Variants in PDZRN3 observed in about 807,000 individuals in gnomAD.
The protein encoded by PDZRN3 is PDZ domain containing ring finger 3, also known as E3 ubiquitin-protein ligase PDZRN3.
A neutral mutation model predicts 85.7 loss-of-function variants in PDZRN3; 38 were observed. The ratio of observed to expected loss-of-function variants is 0.44; its 90% CI spans 0.34 to 0.58. PDZRN3 has a LOEUF of 0.58. Ranked by LOEUF, PDZRN3 falls within the 20% of genes least tolerant of loss-of-function variation. The pLI is 0.01. For missense variants in PDZRN3, 1,629 were observed against 1,506.4 expected (o/e 1.08, Z -1.35); for synonymous variants, 759 against 638.0 (o/e 1.19, Z -2.86).
chr3:73,546,243 G>A lies in PDZRN3; in HGVS notation c.918+56111C>T, dbSNP rs57237517. Among the ~76,000 whole-genome samples, 707 of 152,306 alleles carry A rather than the reference G, an allele frequency of 4.6e-3. 4 individuals are homozygous for A. Among genetic ancestry groups the A allele is most frequent in the African/African-American group, 0.017 (689 of 41,560 alleles). On this transcript the variant is annotated intron_variant, in intron 3 of 9. Coordinates refer to ENST00000263666, the MANE Select transcript of PDZRN3 (RefSeq NM_015009.3). ...ATGATACCACAGGCGACCCAGTGAGGGTATTAAAAGGAAGATGTGTGTAGT... is the reference window on the plus strand; with the variant it reads ...ATGATACCACAGGCGACCCAGTGAGAGTATTAAAAGGAAGATGTGTGTAGT...
chr3:73,585,243 G>A (rs544738001), intron 3 of PDZRN3, among the ~76,000 whole-genome samples: 1 of 152,252 alleles, frequency 6.6e-6, no homozygotes, highest in East Asian at 1.9e-4. Context: ...GATCAGAAAT[G>A]TCTATTAGGA....
chr3:73,588,209 T>C (rs1207640557), intron 3 of PDZRN3, among the ~76,000 whole-genome samples: 1 of 152,120 alleles, frequency 6.6e-6, no homozygotes, highest in Non-Finnish European at 1.5e-5. Context: ...CTGTGTTAGT[T>C]TGCTGAGGAT....
chr3:73,473,349 G>C (rs1441467827), intron 3 of PDZRN3, among the ~76,000 whole-genome samples: 1 of 152,152 alleles, frequency 6.6e-6, no homozygotes, highest in East Asian at 1.9e-4. Flanking sequence ...AGCCAACTGA[G>C]ACCCCAGGAG....
At chr3:73,521,313 T>C (rs1704359330) in intron 3 of PDZRN3, among the ~76,000 whole-genome samples, 1 of 152,040 alleles carries the variant, frequency 6.6e-6, no homozygotes, top group African/African-American at 2.4e-5. Context: ...TAACTCTCAT[T>C]CTGAGGAGCT....
chr3:73,483,318 G>A (rs1303060000), intron 3 of PDZRN3, among the ~76,000 whole-genome samples: 1 of 152,214 alleles, frequency 6.6e-6, no homozygotes. Context: ...ATGCAAGAAA[G>A]AGCAGTTGAC....
At chr3:73,464,764 A>G (rs956985434) in intron 3 of PDZRN3, among the ~76,000 whole-genome samples, 2 of 152,338 alleles carry the variant, frequency 1.3e-5, no homozygotes, top group African/African-American at 4.8e-5. Flanking sequence ...GATTGTATGC[A>G]TTTATCATGT....
chr3:73,509,003 C>A (rs974108227), intron 3 of PDZRN3, among the ~76,000 whole-genome samples: 4 of 152,208 alleles, frequency 2.6e-5, no homozygotes, highest in Admixed American at 2.6e-4. Context: ...CCCACCCAGG[C>A]TCTCAGCATT....
chr3:73,553,491 G>A (rs150737697), intron 3 of PDZRN3, among the ~76,000 whole-genome samples: 1,673 of 151,856 alleles, frequency 0.011, 22 homozygotes, highest in African/African-American at 0.036. Context: ...CAGGAGAATC[G>A]CTTGAACCCG....
intron 3 of PDZRN3, among the ~76,000 whole-genome samples, chr3:73,441,022 T>G (rs1031640120): frequency 6.6e-6 from 1 of 152,308 alleles, no homozygotes; most frequent in Non-Finnish European, 1.5e-5. Flanking sequence ...GTCGGCAAAC[T>G]TTTTCTAGAA....
At position 73,388,014 on chromosome 3, in the gene PDZRN3, T is replaced by C. The variant is rs1701434185; in HGVS notation, c.1472A>G (p.Glu491Gly). The part of the protein sequence containing the change: ...REEAVALLTS[E>G]ENKNFSLLIA... ...CAGCAATGAAAAGTTTTTATTTTCTTCACTGGTTAGAAGAGCCACAGCCTC... is the reference window on the plus strand; with the variant it reads ...CAGCAATGAAAAGTTTTTATTTTCTCCACTGGTTAGAAGAGCCACAGCCTC... The change falls in exon 8 of 10, where the codon GAA becomes GGA. Residue 491 changes from glutamate (E) to glycine (G), a missense_variant. Transcript: ENST00000263666. 3.3e-6 allele frequency: 5 copies of C among 1,509,378 alleles called. No individual in the cohort carries two copies. Among genetic ancestry groups the C allele is most frequent in the Non-Finnish European group, 4.5e-6 (5 of 1,117,882 alleles). The allele number at this position is 1,509,378 out of a possible 1,614,324, so 93.5% of individuals were successfully genotyped here.
intron 3 of PDZRN3, among the ~76,000 whole-genome samples, chr3:73,462,218 T>G (rs1703118744): frequency 6.6e-6 from 1 of 152,168 alleles, no homozygotes; most frequent in African/African-American, 2.4e-5. Context: ...CAGAACAATC[T>G]GAATGGTAAT....
chr3:73,621,167 G>C lies in PDZRN3; in HGVS notation c.723+2936C>G, dbSNP rs374174037. Among the ~76,000 whole-genome samples the C allele has an allele frequency of 3.6e-4, 55 of 152,288 alleles. No homozygotes were observed. In the South Asian group the frequency reaches 0.01, roughly 29 times the overall value. The stretch of plus-strand genomic sequence containing the variant: ...CTCCAGTGACTCCAATCACGCTAAG[G>C]CTTGAGAATCCTTAATATAGCTCAC... On this transcript the variant is annotated intron_variant, in intron 1 of 9. Transcript: ENST00000263666.
intron 3 of PDZRN3, among the ~76,000 whole-genome samples, chr3:73,406,749 T>A (rs17754071): frequency 4.4e-4 from 67 of 152,304 alleles, no homozygotes; most frequent in Admixed American, 7.2e-4. Flanking sequence ...GAATGGGATT[T>A]TCTTACTATG....
At chr3:73,507,671 C>G (rs1037645845) in intron 3 of PDZRN3, among the ~76,000 whole-genome samples, 1 of 152,192 alleles carries the variant, frequency 6.6e-6, no homozygotes. Flanking sequence ...TGAGAAATCA[C>G]TACTGGCAGC....
At chr3:73,601,700 C>A (rs560861724) in intron 3 of PDZRN3, among the ~76,000 whole-genome samples, 1 of 152,164 alleles carries the variant, frequency 6.6e-6, no homozygotes, top group Non-Finnish European at 1.5e-5. Flanking sequence ...AACCCTGTTA[C>A]AAAGTGTTGT....
At chr3:73,468,444 C>CT (rs112221676) in intron 3 of PDZRN3, among the ~76,000 whole-genome samples, 113 of 146,238 alleles carry the variant, frequency 7.7e-4, no homozygotes, top group Middle Eastern at 3.6e-3. Context: ...GTCGCTTACT[C>CT]TTTTTTTTTT....
At chr3:73,396,195 C>T (rs183052238) in intron 5 of PDZRN3, among the ~76,000 whole-genome samples, 3 of 151,878 alleles carry the variant, frequency 2.0e-5, no homozygotes, top group East Asian at 3.9e-4. Context: ...CCAGCCTGGA[C>T]GACAGCAAGA....
intron 3 of PDZRN3, among the ~76,000 whole-genome samples, chr3:73,555,053 G>A (rs1043941798): frequency 6.6e-6 from 1 of 152,164 alleles, no homozygotes; most frequent in African/African-American, 2.4e-5. Flanking sequence ...TTGCAGGGGG[G>A]ATAGAAAAAT....
chr3:73,462,397 T>C (rs999034157), intron 3 of PDZRN3, among the ~76,000 whole-genome samples: 3 of 151,812 alleles, frequency 2.0e-5, no homozygotes, highest in Non-Finnish European at 2.9e-5. Flanking sequence ...CAAAAAAAAT[T>C]AGCCAGGCGT....
Sources: allele counts gnomAD v4.1 joint callset (sites outside exome capture counted in the v4.1 genomes callset), GRCh38; gene constraint gnomAD v4.1.1; transcripts MANE v1.5; gene names NCBI Gene and HGNC (gene_info 2026-07-23, HGNC 2026-07-21).